The following TNFRSF9 variants were observed in gnomAD, a reference collection of about 807,000 sequenced individuals.
TNFRSF9 encodes TNF receptor superfamily member 9, also known as tumor necrosis factor receptor superfamily member 9.
Under a neutral mutation model 28.8 loss-of-function variants are expected in TNFRSF9, and 16 were observed. The ratio of observed to expected loss-of-function variants is 0.55; its 90% CI spans 0.38 to 0.84. The LOEUF is 0.84. TNFRSF9 is among the 40% of genes least tolerant of loss of function. TNFRSF9 has a pLI of 0.00. For synonymous variants in TNFRSF9, 131 were observed against 117.0 expected (o/e 1.12, Z -0.77); for missense variants, 303 against 315.0 (o/e 0.96, Z 0.29).
rs764017912 is a variant in TNFRSF9 at position 7,920,887 on chromosome 1, T to A, written c.716A>T (p.Asp239Val). 24 of 1,614,042 alleles carry A rather than the reference T, an allele frequency of 1.5e-5. No individual in the cohort carries two copies. The highest frequency in any genetic ancestry group is 1.9e-5 in the Non-Finnish European group (23 of 1,180,002). The part of the protein sequence containing the change: ...MRPVQTTQEE[D>V]GCSCRFPEEE... ...TTCTGGAAATCGGCAGCTACAGCCA[T>A]CTTCCTCTTGAGTAGTTTGTACTGG... Residue 239 changes from aspartate (D) to valine (V), a missense_variant, in exon 8 of 8, where the codon GAT becomes GTT. By Grantham distance (152) the Asp-to-Val change is radical. Transcript: ENST00000377507.
chr1:7,932,666 CACACAT>C (rs1383236707), intron 7 of TNFRSF9, among the ~76,000 whole-genome samples: 1 of 151,626 alleles, frequency 6.6e-6, no homozygotes, highest in Admixed American at 6.6e-5. Context: ...CACGCACACA[CACACAT>C]ACACACACGC....
chr1:7,922,446 T>G (rs147271904), intron 7 of TNFRSF9, among the ~76,000 whole-genome samples: 1 of 152,244 alleles, frequency 6.6e-6, no homozygotes, highest in African/African-American at 2.4e-5. Context: ...TCTTTCTGCC[T>G]CATTTCCCTC....
At position 7,932,706 on chromosome 1, in the gene TNFRSF9, C is replaced by G. The variant is rs141405552; in HGVS notation, c.679+456G>C. On this transcript the variant is annotated intron_variant, in intron 7 of 7. Transcript: ENST00000377507. Reference sequence around the variant, plus strand: ...GCACGCACGCGCACACACACACGCACACACACACAGACACGCACACACACA... The same window carrying G: ...GCACGCACGCGCACACACACACGCAGACACACACAGACACGCACACACACA... 2.4e-3 allele frequency among the ~76,000 whole-genome samples: 360 copies of G among 149,576 alleles called. 1 individual carries two copies. The highest frequency in any genetic ancestry group is 8.5e-3 in the African/African-American group (342 of 40,158).
At chr1:7,936,193 A>G (rs541640098) in intron 5 of TNFRSF9, among the ~76,000 whole-genome samples, 1 of 152,282 alleles carries the variant, frequency 6.6e-6, no homozygotes, top group African/African-American at 2.4e-5. Context: ...AGGCAAGCGG[A>G]TCACTTGAGG....
chr1:7,924,927 TAAAG>T (rs1639619441), intron 7 of TNFRSF9, among the ~76,000 whole-genome samples: 3 of 152,110 alleles, frequency 2.0e-5, no homozygotes, highest in Non-Finnish European at 2.9e-5. Context: ...AATAAGGAAA[TAAAG>T]AGAAAATATT....
At chr1:7,933,103 C>T (rs1012248703) in intron 7 of TNFRSF9, 59 bp downstream of exon 7, 31 of 1,529,902 alleles carry the variant, frequency 2.0e-5, no homozygotes, top group Non-Finnish European at 2.5e-5. Context: ...TCATATTTTC[C>T]TTTCTATTAT....
At position 7,916,143 on chromosome 1, in the gene TNFRSF9, C is replaced by T. The variant is rs974936569; in HGVS notation, c.*4692G>A. On this transcript the variant is annotated 3_prime_UTR_variant, in exon 8 of 8. Coordinates refer to ENST00000377507, the MANE Select transcript of TNFRSF9 (RefSeq NM_001561.6). ...ACTAAAGAAAAAAAATTAAAACTTT[C>T]TTCTGAAAAAAACCTGAGCTTGTTT... is the stretch of plus-strand genomic sequence containing the variant. 1.3e-5 allele frequency: 2 copies of T among 152,010 alleles called. No homozygotes were observed. The highest frequency in any genetic ancestry group is 2.9e-5 in the Non-Finnish European group (2 of 67,970). 9.4% of individuals were successfully genotyped at this position (152,010 alleles called of 1,614,324 possible). A position where few individuals can be genotyped will look rare whatever the true frequency, so the allele number is the denominator to read the frequency against.
intron 6 of TNFRSF9, 141 bp downstream of exon 6, chr1:7,934,872 G>T: frequency 9.1e-7 from 1 of 1,093,858 alleles, no homozygotes; most frequent in Non-Finnish European, 1.3e-6. Flanking sequence ...GAAGAAAACT[G>T]CTGGGTCCCT....
intron 7 of TNFRSF9, among the ~76,000 whole-genome samples, chr1:7,924,990 A>G (rs1162834053): frequency 6.6e-6 from 1 of 152,176 alleles, no homozygotes; most frequent in Non-Finnish European, 1.5e-5. Flanking sequence ...GAGTTATTAC[A>G]AAAGAGTCAA....
intron 7 of TNFRSF9, among the ~76,000 whole-genome samples, chr1:7,930,636 G>C (rs933042704): frequency 6.6e-5 from 10 of 152,104 alleles, no homozygotes; most frequent in Non-Finnish European, 1.5e-4. Context: ...GAGTGTGGTG[G>C]TATGCACCTA....
At chr1:7,934,022 C>A (rs1021529842) in intron 6 of TNFRSF9, among the ~76,000 whole-genome samples, 9 of 151,166 alleles carry the variant, frequency 6.0e-5, no homozygotes, top group African/African-American at 1.7e-4. Flanking sequence ...GTCCACCCCC[C>A]CAAAAAAATA....
chr1:7,928,823 G>T (rs1350735194), intron 7 of TNFRSF9, among the ~76,000 whole-genome samples: 1 of 152,144 alleles, frequency 6.6e-6, no homozygotes, highest in African/African-American at 2.4e-5. Context: ...AGGTTGCAGC[G>T]AGTGGAGATC....
rs190506636 is a variant in TNFRSF9 at position 7,928,951 on chromosome 1, C to A, written c.679+4211G>T. Among the ~76,000 whole-genome samples, 347 of 152,030 alleles carry A rather than the reference C, an allele frequency of 2.3e-3. 1 individual carries two copies. The highest frequency in any genetic ancestry group is 2.8e-3 in the Admixed American group (42 of 15,256). ...CAAACAAAAACCCTGACAAATGGAG[C>A]CAGGGAAGGCCGTGAAGGGGGTTTC... is the stretch of plus-strand genomic sequence containing the variant. On this transcript the variant is annotated intron_variant, in intron 7 of 7. Transcript: ENST00000377507.
chr1:7,931,548 AG>A lies in TNFRSF9; in HGVS notation c.679+1613del, dbSNP rs569292664. On this transcript the variant is annotated intron_variant, in intron 7 of 7. Transcript: ENST00000377507. ...TGATTCTATTTGTATGAAGTTCACA[AG>A]CAGCCCAATAAAACTGTGTTATTAG... Among the ~76,000 whole-genome samples, 5 of 152,348 alleles carry A rather than the reference AG, an allele frequency of 3.3e-5. No individual in the cohort carries two copies. The East Asian group carries it at 9.6e-4, about 29-fold the overall frequency.
chr1:7,927,143 G>A (rs967631085), intron 7 of TNFRSF9, among the ~76,000 whole-genome samples: 1 of 152,132 alleles, frequency 6.6e-6, no homozygotes, highest in Admixed American at 6.6e-5. Flanking sequence ...GAGGCTATAT[G>A]ATCAAACAGC....
intron 7 of TNFRSF9, among the ~76,000 whole-genome samples, chr1:7,927,459 A>T (rs547759399): frequency 6.6e-6 from 1 of 152,058 alleles, no homozygotes; most frequent in African/African-American, 2.4e-5. Flanking sequence ...TCTTCCAAAT[A>T]TACTCTTTTG....
chr1:7,933,680 G>C (rs1004280096), intron 6 of TNFRSF9, among the ~76,000 whole-genome samples: 1 of 151,862 alleles, frequency 6.6e-6, no homozygotes, highest in Non-Finnish European at 1.5e-5. Context: ...GGGCAACAGA[G>C]TGAGACTCCA....
chr1:7,939,192 C>T (rs546490635), intron 2 of TNFRSF9, among the ~76,000 whole-genome samples: 1 of 151,950 alleles, frequency 6.6e-6, no homozygotes, highest in South Asian at 2.1e-4. Flanking sequence ...CAGTGGTGCA[C>T]ACCTGTAATC....
Position 7,938,333 on chromosome 1 carries a change from A to G in TNFRSF9, c.209-3T>C. ...CTCCTTCCTGGTCCTGAAAACACCT[A>G]CAAAGTCCCCCCAGCCCCCAACATT... On this transcript the variant is annotated splice_region_variant and splice_polypyrimidine_tract_variant and intron_variant, in intron 3 of 7. Transcript: ENST00000377507. The G allele has an allele frequency of 6.3e-7, 1 of 1,598,348 alleles. No homozygotes were observed. The highest frequency in any genetic ancestry group is 8.5e-7 in the Non-Finnish European group (1 of 1,172,640).
Sources: allele counts gnomAD v4.1 joint callset (sites outside exome capture counted in the v4.1 genomes callset), GRCh38; gene constraint gnomAD v4.1.1; transcripts MANE v1.5; gene names NCBI Gene and HGNC (gene_info 2026-07-23, HGNC 2026-07-21).